The following CCNF variants were observed in gnomAD, a reference collection of about 807,000 sequenced individuals.
CCNF encodes the protein cyclin-F.
In CCNF, 30 loss-of-function variants were observed where a neutral mutation model predicts 85.4. The observed-to-expected ratio is 0.35, with a 90% confidence interval of 0.26 to 0.48. The LOEUF is 0.48. CCNF is among the 20% of genes least tolerant of loss of function. The pLI, the probability that CCNF is intolerant of heterozygous loss-of-function variation, is 0.99. For missense variants in CCNF, 919 were observed against 1,010.4 expected (o/e 0.91, Z 1.23); for synonymous variants, 439 against 425.1 (o/e 1.03, Z -0.40).
Position 2,448,947 on chromosome 16 carries a change from A to G in CCNF, c.1187A>G (p.Glu396Gly). 2 of 1,613,986 alleles carry G rather than the reference A, an allele frequency of 1.2e-6. No individual in the cohort carries two copies. The highest frequency in any genetic ancestry group is 2.2e-5 in the South Asian group (2 of 91,088). The stretch of plus-strand genomic sequence containing the variant: ...GAGGACCTGGTGAGAATGATGGGCG[A>G]GATCGTCTCCGCCTTGGAAGGGAAG... ...KYEDLVRMMG[E>G]IVSALEGKIR... The change falls in exon 11 of 17, where the codon GAG becomes GGG. Residue 396 changes from glutamate to glycine, a missense_variant. Physicochemically the swap from Glu to Gly is moderately conservative, Grantham distance 98. This residue lies in a region of CCNF where 505 missense variants were observed against 514.8 expected (regional missense o/e 0.98). Transcript: ENST00000397066.
chr16:2,449,776 A>ATCCCCTCCT, intron 12 of CCNF, 52 bp from the exon 13 acceptor site: 1 of 383,530 alleles, frequency 2.6e-6, no homozygotes, highest in Non-Finnish European at 4.3e-6. Flanking sequence ...CGTCCCCTCC[A>ATCCCCTCCT]TCCCCTCCGT....
At chr16:2,430,989 A>G (rs369290461) in intron 1 of CCNF, 141 bp from the exon 2 acceptor site, 1 of 880,244 alleles carries the variant, frequency 1.1e-6, no homozygotes, top group Non-Finnish European at 1.9e-6. Context: ...CAAGAAGCAT[A>G]GTTCCATCTT....
At chr16:2,450,336 TAAAAAAAAAAAA>T (rs869044588) in intron 13 of CCNF, among the ~76,000 whole-genome samples, 1 of 65,940 alleles carries the variant, frequency 1.5e-5, no homozygotes, top group Admixed American at 2.1e-4. Flanking sequence ...CTGTCTCTAC[TAAAAAAAAAAAA>T]AAAAAAAAAA....
In CCNF at chr16:2,457,074, G is replaced by A; in HGVS notation, c.*54G>A. The A allele has an allele frequency of 7.5e-7, 1 of 1,336,860 alleles. No homozygotes were observed. The highest frequency in any genetic ancestry group is 1.0e-6 in the Non-Finnish European group (1 of 971,142). 82.8% of individuals were successfully genotyped at this position (1,336,860 alleles called of 1,614,324 possible). A position where few individuals can be genotyped will look rare whatever the true frequency, so the allele number is the denominator to read the frequency against. On this transcript the variant is annotated 3_prime_UTR_variant, in exon 17 of 17. Transcript: ENST00000397066. Reference sequence around the variant, plus strand: ...GTGTACTGAGGGGGCTGGAGGCGAAGGGTGGGAGCATAGCATAGGAACGCT... The same window carrying A: ...GTGTACTGAGGGGGCTGGAGGCGAAAGGTGGGAGCATAGCATAGGAACGCT...
chr16:2,456,267 G>C lies in CCNF; in HGVS notation c.1886-278G>C. 1 of 405,912 alleles carries C rather than the reference G, an allele frequency of 2.5e-6. No individual in the cohort carries two copies. The highest frequency in any genetic ancestry group is 4.4e-6 in the Non-Finnish European group (1 of 226,162). The allele number at this position is 405,912 out of a possible 1,614,324, so 25.1% of individuals were successfully genotyped here. A position where few individuals can be genotyped will look rare whatever the true frequency, so the allele number is the denominator to read the frequency against. On this transcript the variant is annotated intron_variant, in intron 16 of 16. Transcript: ENST00000397066. This position sits in a 1 kb window ranked among gnomAD's most constrained non-coding sequence, Gnocchi z 4.5. ...GGGGTCCTTGCCAGAAGCCCAGTTAGTGTGAGTCCTGTCAGTTTCCCGGTT... is the reference window on the plus strand; with the variant it reads ...GGGGTCCTTGCCAGAAGCCCAGTTACTGTGAGTCCTGTCAGTTTCCCGGTT...
intron 4 of CCNF, chr16:2,436,240 C>A: frequency 1.1e-5 from 2 of 183,828 alleles, no homozygotes; most frequent in Non-Finnish European, 2.3e-5. Context: ...TCTTAGAACT[C>A]TCGAGACAGA....
chr16:2,443,904 C>A, intron 9 of CCNF, 104 bp downstream of exon 9: 2 of 1,026,774 alleles, frequency 1.9e-6, no homozygotes, highest in Non-Finnish European at 2.8e-6. Context: ...GACAGGGCGG[C>A]ATAGAGTTCC....
chr16:2,448,286 C>T (rs1338290478), intron 10 of CCNF, among the ~76,000 whole-genome samples: 1 of 152,224 alleles, frequency 6.6e-6, no homozygotes, highest in Non-Finnish European at 1.5e-5. Flanking sequence ...AAACTGAATG[C>T]TCAGGGCACT....
chr16:2,433,274 G>T (rs2065271712), intron 3 of CCNF, among the ~76,000 whole-genome samples: 1 of 152,170 alleles, frequency 6.6e-6, no homozygotes, highest in Non-Finnish European at 1.5e-5. Flanking sequence ...TATGCAGTCA[G>T]TCATCCCTCA....
intron 6 of CCNF, 40 bp downstream of exon 6, chr16:2,438,163 A>G (rs1413263234): frequency 7.1e-7 from 1 of 1,403,504 alleles, no homozygotes; most frequent in Admixed American, 1.7e-5. Context: ...TTTGTGTTCG[A>G]TACATCCCTA....
rs759830444 is a variant in CCNF at position 2,456,228 on chromosome 16, C to T, written c.1886-317C>T. 14 of 321,768 alleles carry T rather than the reference C, an allele frequency of 4.4e-5. No homozygotes were observed. The highest frequency in any genetic ancestry group is 2.8e-4 in the Admixed American group (6 of 21,774). The allele number at this position is 321,768 out of a possible 1,614,324, so 19.9% of individuals were successfully genotyped here. On this transcript the variant is annotated intron_variant, in intron 16 of 16. Transcript: ENST00000397066. This position sits in a 1 kb window ranked among gnomAD's most constrained non-coding sequence, Gnocchi z 4.5. ...GCTGGGATCACTGCCCTGTGCAAAC[C>T]CCAGGCAGACTGCGGGGTCCTTGCC...
Position 2,451,507 on chromosome 16 carries a change from C to T in CCNF, c.1487+1592C>T, listed in dbSNP as rs967870402. On this transcript the variant is annotated intron_variant, in intron 13 of 16. Coordinates refer to ENST00000397066, the MANE Select transcript of CCNF (RefSeq NM_001761.3). The surrounding 1 kb of genome is among the most constrained non-coding windows in gnomAD (Gnocchi z 4.3). ...CCCACTCCCTGGTCTCCCACTTCCC[C>T]GCTTCTGCCATGGCTTCCTTTTCCT... 3.4e-4 allele frequency among the ~76,000 whole-genome samples: 52 copies of T among 152,328 alleles called. No homozygotes were observed. Among genetic ancestry groups the T allele is most frequent in the Middle Eastern group, 3.4e-3 (1 of 294 alleles).
intron 8 of CCNF, among the ~76,000 whole-genome samples, chr16:2,441,975 A>G (rs1472996704): frequency 2.2e-4 from 20 of 91,900 alleles, no homozygotes; most frequent in Non-Finnish European, 2.9e-4. Flanking sequence ...ATATATATAT[A>G]TATATATGTT....
At chr16:2,444,656 G>A (rs1041897901) in intron 9 of CCNF, among the ~76,000 whole-genome samples, 69 of 151,842 alleles carry the variant, frequency 4.5e-4, no homozygotes, top group African/African-American at 1.5e-3. Context: ...GAGTGCAGTG[G>A]CATGATTTCA....
At chr16:2,447,830 C>T (rs2065370416) in intron 10 of CCNF, among the ~76,000 whole-genome samples, 1 of 152,190 alleles carries the variant, frequency 6.6e-6, no homozygotes, top group African/African-American at 2.4e-5. Context: ...CCAGCCATCT[C>T]ACACCCCACG....
intron 10 of CCNF, among the ~76,000 whole-genome samples, chr16:2,448,019 C>CG (rs901702071): frequency 6.6e-6 from 1 of 152,214 alleles, no homozygotes; most frequent in Admixed American, 6.5e-5. Flanking sequence ...AGGTGCCTTG[C>CG]GGGGGGCCGC....
rs1567388986 is a variant in CCNF at position 2,448,994 on chromosome 16, AT to A, written c.1218+20del. ...GAAGATTCGAGTAAGCAGCGGTTCC[AT>A]TTTCCTTATTAATCTTCGTTGTCGC... On this transcript the variant is annotated intron_variant, in intron 11 of 16. Transcript: ENST00000397066. 3.6e-6 allele frequency: 5 copies of A among 1,392,198 alleles called. No individual in the cohort carries two copies. The highest frequency in any genetic ancestry group is 5.1e-6 in the Non-Finnish European group (5 of 988,468). 86.2% of individuals were successfully genotyped at this position (1,392,198 alleles called of 1,614,324 possible). A position where few individuals can be genotyped will look rare whatever the true frequency, so the allele number is the denominator to read the frequency against.
At chr16:2,438,208 G>A (rs2065301854) in intron 6 of CCNF, 85 bp downstream of exon 6, 1 of 1,061,160 alleles carries the variant, frequency 9.4e-7, no homozygotes, top group Admixed American at 1.7e-5. Context: ...AGCAGAAGGG[G>A]GTGTCCAAGG....
At chr16:2,435,494 A>G (rs2141815986) in intron 3 of CCNF, among the ~76,000 whole-genome samples, 1 of 150,900 alleles carries the variant, frequency 6.6e-6, no homozygotes, top group Non-Finnish European at 1.5e-5. Flanking sequence ...CCGGGGTGGG[A>G]GAATGGCTTA....
Sources: allele counts gnomAD v4.1 joint callset (sites outside exome capture counted in the v4.1 genomes callset), GRCh38; gene constraint gnomAD v4.1.1; regional missense constraint gnomAD v4.1.1; non-coding constraint Gnocchi (gnomAD v3.1); transcripts MANE v1.5; gene names NCBI Gene and HGNC (gene_info 2026-07-23, HGNC 2026-07-21).